Variants in TSHZ2 observed in about 807,000 individuals in gnomAD.
TSHZ2 encodes the protein teashirt zinc finger homeobox 2.
Under a neutral mutation model 74.4 loss-of-function variants are expected in TSHZ2, and 21 were observed. The observed-to-expected ratio is 0.28, with a 90% CI of 0.20 to 0.41. The LOEUF (loss-of-function observed/expected upper bound fraction) is 0.41, where lower values mean the gene tolerates loss of function less well. Among genes scored for constraint, TSHZ2 ranks in the 10% least tolerant of loss-of-function variants. TSHZ2 has a pLI of 1.00. For synonymous variants in TSHZ2, 540 were observed against 515.3 expected, an observed-to-expected ratio of 1.05 and a Z score of -0.65; for missense variants, 1,244 against 1,293.5, an observed-to-expected ratio of 0.96 and a Z score of 0.59.
At chr20:52,996,307 T>TTTATTTA in intron 1 of TSHZ2, among the ~76,000 whole-genome samples, 1 of 145,250 alleles carries the variant, frequency 6.9e-6, no homozygotes, top group South Asian at 2.3e-4. Flanking sequence ...CCTTTCAGGT[T>TTTATTTA]TTTATTTATT....
chr20:53,252,586 G>A (rs1319105108), intron 1 of TSHZ2, among the ~76,000 whole-genome samples: 1 of 152,164 alleles, frequency 6.6e-6, no homozygotes, highest in African/African-American at 2.4e-5. Context: ...TTTTCCCTAT[G>A]TAATTACTGG....
At chr20:53,382,799 C>G (rs899389564) in intron 2 of TSHZ2, among the ~76,000 whole-genome samples, 2 of 152,206 alleles carry the variant, frequency 1.3e-5, no homozygotes, top group Non-Finnish European at 2.9e-5. Context: ...AAGAGACAAC[C>G]TGGTGTGTGG....
At chr20:53,332,813 T>C (rs1166032683) in intron 2 of TSHZ2, among the ~76,000 whole-genome samples, 3 of 152,186 alleles carry the variant, frequency 2.0e-5, no homozygotes, top group Non-Finnish European at 4.4e-5. Flanking sequence ...TCCTGGCAGA[T>C]GCATTATAAG....
intron 1 of TSHZ2, among the ~76,000 whole-genome samples, chr20:52,993,413 C>A (rs1417574767): frequency 6.6e-6 from 1 of 152,152 alleles, no homozygotes; most frequent in African/African-American, 2.4e-5. Context: ...AAACGTGTAA[C>A]AATGCACTGT....
chr20:53,343,595 G>C (rs1308946192), intron 2 of TSHZ2, among the ~76,000 whole-genome samples: 3 of 152,186 alleles, frequency 2.0e-5, no homozygotes, highest in Non-Finnish European at 4.4e-5. Context: ...CTGGAATTCT[G>C]CCAGTGCTAC....
intron 1 of TSHZ2, among the ~76,000 whole-genome samples, chr20:53,067,157 A>G (rs533637337): frequency 3.9e-5 from 6 of 152,298 alleles, no homozygotes; most frequent in Admixed American, 3.9e-4. Context: ...TTATGGTGAT[A>G]GGGGACCAGT....
At chr20:53,252,774 G>GC (rs1301561987) in intron 1 of TSHZ2, among the ~76,000 whole-genome samples, 1 of 152,136 alleles carries the variant, frequency 6.6e-6, no homozygotes, top group Non-Finnish European at 1.5e-5. Flanking sequence ...TCACAAACCT[G>GC]TTTTAGAATA....
chr20:53,255,863 T>TCCCCAAAGCCACCA lies in TSHZ2; in HGVS notation c.2417_2430dup (p.Ala811ProfsTer14). On this transcript the variant is annotated frameshift_variant, in exon 2 of 3. Transcript: ENST00000371497. LOFTEE classifies it high-confidence loss of function. This position sits in a 1 kb window ranked among gnomAD's most constrained non-coding sequence, Gnocchi z 4.1. ...GACATCGCCGACATGGTCAAAGTCC[T>TCCCCAAAGCCACCA]CCCCAAAGCCACCACCCCAAAGCCA... The TCCCCAAAGCCACCA allele has an allele frequency of 1.2e-6, 2 of 1,611,800 alleles. No individual in the cohort carries two copies. The highest frequency in any genetic ancestry group is 1.7e-6 in the Non-Finnish European group (2 of 1,178,754).
intron 1 of TSHZ2, among the ~76,000 whole-genome samples, chr20:53,030,645 C>T (rs1157549365): frequency 2.0e-5 from 3 of 152,090 alleles, no homozygotes; most frequent in Non-Finnish European, 4.4e-5. Flanking sequence ...GCCATTGTGT[C>T]TCTGAAATAA....
intron 1 of TSHZ2, among the ~76,000 whole-genome samples, chr20:53,011,010 G>T (rs1982830695): frequency 6.6e-6 from 1 of 152,018 alleles, no homozygotes; most frequent in Non-Finnish European, 1.5e-5. Context: ...CATTTAAACA[G>T]AAATACTTGT....
At chr20:53,181,846 C>CAGG (rs1988477034) in intron 1 of TSHZ2, among the ~76,000 whole-genome samples, 2 of 152,284 alleles carry the variant, frequency 1.3e-5, no homozygotes, top group South Asian at 4.2e-4. Flanking sequence ...CAAGATCAAA[C>CAGG]AGGAGAAAGA....
At chr20:53,468,676 T>TC (rs1985634229) in intron 2 of TSHZ2, among the ~76,000 whole-genome samples, 1 of 105,488 alleles carries the variant, frequency 9.5e-6, no homozygotes, top group African/African-American at 3.8e-5. Flanking sequence ...TTCTCTGGCA[T>TC]CCATTACGAG....
At chr20:53,325,757 C>T (rs979791358) in intron 2 of TSHZ2, among the ~76,000 whole-genome samples, 1 of 152,016 alleles carries the variant, frequency 6.6e-6, no homozygotes, top group African/African-American at 2.4e-5. Flanking sequence ...TTAAGGCCCT[C>T]CCGGCTACTT....
chr20:53,385,632 C>A (rs1459398012), intron 2 of TSHZ2, among the ~76,000 whole-genome samples: 1 of 152,132 alleles, frequency 6.6e-6, no homozygotes, highest in Non-Finnish European at 1.5e-5. Flanking sequence ...TTTTTAAGGT[C>A]GCTGTTAGGG....
Position 53,469,633 on chromosome 20 carries a change from G to A in TSHZ2, c.*9-17511G>A, listed in dbSNP as rs1387136312. Among the ~76,000 whole-genome samples the A allele has an allele frequency of 4.4e-5, 3 of 68,384 alleles. 1 individual carries two copies. The East Asian group carries it at 1.4e-3, about 33-fold the overall frequency. The allele number at this position is 68,384 out of a possible 152,430, so 44.9% of individuals were successfully genotyped here. A position where few individuals can be genotyped will look rare whatever the true frequency, so the allele number is the denominator to read the frequency against. On this transcript the variant is annotated intron_variant, in intron 2 of 2. Coordinates refer to ENST00000371497, the MANE Select transcript of TSHZ2 (RefSeq NM_173485.6). ...GATAGATAGAGAGGGAGGAAGGGAG[G>A]GAGGAAGGAAGGAAGGAAGGAAGGA...
At chr20:53,393,168 C>A (rs1256065926) in intron 2 of TSHZ2, among the ~76,000 whole-genome samples, 1 of 152,136 alleles carries the variant, frequency 6.6e-6, no homozygotes, top group Non-Finnish European at 1.5e-5. Flanking sequence ...TCCTATCCTC[C>A]ACCCTCAAAT....
intron 2 of TSHZ2, among the ~76,000 whole-genome samples, chr20:53,364,286 T>A (rs1156235064): frequency 6.6e-6 from 1 of 152,190 alleles, no homozygotes; most frequent in Non-Finnish European, 1.5e-5. Context: ...AGAGGAAACT[T>A]ATAGACATAC....
At position 53,064,464 on chromosome 20, in the gene TSHZ2, T is replaced by G. The variant is rs569168880; in HGVS notation, c.40+91131T>G. On this transcript the variant is annotated intron_variant, in intron 1 of 2. Coordinates refer to ENST00000371497, the MANE Select transcript of TSHZ2 (RefSeq NM_173485.6). ...TTTATGTTACTGAATTAAGAACGTT[T>G]GAGCCCCTATGCCATTAGAAGACAG... 2.0e-5 allele frequency among the ~76,000 whole-genome samples: 3 copies of G among 152,178 alleles called. No individual in the cohort carries two copies. In the East Asian group the frequency reaches 5.8e-4, roughly 29 times the overall value.
At chr20:53,042,195 T>C (rs1484091698) in intron 1 of TSHZ2, among the ~76,000 whole-genome samples, 2 of 152,254 alleles carry the variant, frequency 1.3e-5, no homozygotes, top group African/African-American at 2.4e-5. Context: ...CATCGAGTGA[T>C]TCAAACATTA....
Sources: gnomAD v4.1 joint callset for allele counts (sites outside exome capture counted in the v4.1 genomes callset) on GRCh38, gnomAD v4.1.1 for gene constraint, Gnocchi (gnomAD v3.1) non-coding constraint, MANE v1.5 for transcripts, NCBI Gene and HGNC (gene_info 2026-07-23, HGNC 2026-07-21) for gene names.